Variants in TNFRSF10B observed in about 807,000 individuals in gnomAD.
TNFRSF10B encodes the protein tumor necrosis factor receptor superfamily member 10B.
In TNFRSF10B, 35 loss-of-function variants were observed where a neutral mutation model predicts 41.4. The observed-to-expected ratio is 0.85, with a 90% CI of 0.65 to 1.12. The LOEUF (loss-of-function observed/expected upper bound fraction) is 1.12. Among genes scored for constraint, TNFRSF10B ranks in the 50% most tolerant of loss-of-function variants. The pLI, the probability that TNFRSF10B is intolerant of heterozygous loss-of-function variation, is 0.00. For missense variants in TNFRSF10B, 584 were observed against 552.7 expected (o/e 1.06, Z -0.57); for synonymous variants, 230 against 215.5 (o/e 1.07, Z -0.59).
chr8:23,066,544 T>C (rs963951058), intron 1 of TNFRSF10B, among the ~76,000 whole-genome samples: 1 of 151,988 alleles, frequency 6.6e-6, no homozygotes, highest in Non-Finnish European at 1.5e-5. Flanking sequence ...CTAACGTAAA[T>C]ATAATAAGAT....
At chr8:23,050,844 C>T (rs370120585) in intron 1 of TNFRSF10B, among the ~76,000 whole-genome samples, 5 of 152,054 alleles carry the variant, frequency 3.3e-5, no homozygotes, top group East Asian at 3.9e-4. Flanking sequence ...AAGGCCGAGG[C>T]GGGCTGATCA....
intron 1 of TNFRSF10B, among the ~76,000 whole-genome samples, chr8:23,062,061 G>A (rs1026247468): frequency 3.6e-4 from 55 of 152,150 alleles, no homozygotes; most frequent in Non-Finnish European, 4.4e-4. Flanking sequence ...GTCAAGAAAG[G>A]TTCCCTTCTC....
rs568117404 is a variant in TNFRSF10B, at chr8:23,040,910, T to C, written c.250+2228A>G. ...TAAAAACGTGATTATTTAATAATAG[T>C]GTTGGGGCAACCAAAAAGGTGGCTG... is the stretch of plus-strand genomic sequence containing the variant. On this transcript the variant is annotated intron_variant, in intron 2 of 8. Transcript: ENST00000276431. 1.4e-4 allele frequency among the ~76,000 whole-genome samples: 21 copies of C among 152,294 alleles called. No homozygotes were observed. In the East Asian group the frequency reaches 3.3e-3, roughly 24 times the overall value.
chr8:23,059,702 C>T (rs543835403), intron 1 of TNFRSF10B, among the ~76,000 whole-genome samples: 397 of 151,936 alleles, frequency 2.6e-3, no homozygotes, highest in African/African-American at 7.3e-3. Context: ...TTAGTGGAGA[C>T]GGGGTCTCAC....
intron 2 of TNFRSF10B, among the ~76,000 whole-genome samples, 177 bp from the exon 3 acceptor site, chr8:23,031,049 A>G (rs1413408248): frequency 2.6e-5 from 4 of 152,186 alleles, no homozygotes; most frequent in Non-Finnish European, 4.4e-5. Flanking sequence ...AGCACTGCCA[A>G]AAGAAATATA....
At chr8:23,024,041 T>G in intron 8 of TNFRSF10B, 147 bp downstream of exon 8, 1 of 948,524 alleles carries the variant, frequency 1.1e-6, no homozygotes, top group Non-Finnish European at 1.7e-6. Context: ...GAGAAGACAG[T>G]TTAGGGTCCA....
At chr8:23,039,344 G>A (rs1317704289) in intron 2 of TNFRSF10B, among the ~76,000 whole-genome samples, 1 of 152,010 alleles carries the variant, frequency 6.6e-6, no homozygotes, top group Non-Finnish European at 1.5e-5. Context: ...TTAAGGAATT[G>A]GTTCACATAA....
At chr8:23,033,356 G>A (rs565089234) in intron 2 of TNFRSF10B, among the ~76,000 whole-genome samples, 50 of 152,006 alleles carry the variant, frequency 3.3e-4, no homozygotes, top group Non-Finnish European at 5.9e-4. Context: ...AGGCCGAGGC[G>A]GGCGGATCAC....
intron 2 of TNFRSF10B, among the ~76,000 whole-genome samples, chr8:23,040,876 T>C (rs1019038829): frequency 2.0e-5 from 3 of 152,164 alleles, no homozygotes; most frequent in African/African-American, 4.8e-5. Context: ...TAGTGATTCA[T>C]GTCACTGATA....
chr8:23,035,391 C>G (rs1391216603), intron 2 of TNFRSF10B, among the ~76,000 whole-genome samples: 4 of 152,188 alleles, frequency 2.6e-5, no homozygotes, highest in African/African-American at 7.2e-5. Flanking sequence ...ACCCAGCCAC[C>G]TTGGCCTCTC....
At chr8:23,038,329 G>A (rs930114225) in intron 2 of TNFRSF10B, among the ~76,000 whole-genome samples, 2 of 152,202 alleles carry the variant, frequency 1.3e-5, no homozygotes, top group African/African-American at 4.8e-5. Flanking sequence ...GCCATGACCA[G>A]CTGAGGTGCT....
intron 2 of TNFRSF10B, among the ~76,000 whole-genome samples, chr8:23,037,529 C>T (rs779069012): frequency 9.2e-5 from 14 of 152,220 alleles, no homozygotes; most frequent in Non-Finnish European, 1.9e-4. Flanking sequence ...CCTCTGTGGA[C>T]TCACAGAATG....
intron 1 of TNFRSF10B, among the ~76,000 whole-genome samples, chr8:23,050,688 G>A (rs1240912535): frequency 6.6e-6 from 1 of 152,210 alleles, no homozygotes; most frequent in East Asian, 1.9e-4. Flanking sequence ...AATTGTTTAA[G>A]TGCACTGTAA....
chr8:23,022,895 C>T lies in TNFRSF10B; in HGVS notation c.1099G>A (p.Glu367Lys), dbSNP rs772288130. 8.1e-6 allele frequency: 13 copies of T among 1,614,102 alleles called. No individual in the cohort carries two copies. In the Admixed American group the frequency reaches 1.2e-4, roughly 14 times the overall value. The part of the protein sequence containing the change: ...LMRKLGLMDN[E>K]IKVAKAEAAG... ...GCCTCAGCTTTAGCCACCTTTATCT[C>T]ATTGTCCATGAGGCCCAACTTCCTC... is the stretch of plus-strand genomic sequence containing the variant. The change falls in exon 9 of 9, where the codon GAG becomes AAG. Residue 367 changes from glutamate (E) to lysine (K), a missense_variant. Physicochemically the swap from Glu to Lys is moderately conservative, Grantham distance 56. Coordinates refer to ENST00000276431, the MANE Select transcript of TNFRSF10B (RefSeq NM_003842.5).
intron 3 of TNFRSF10B, 101 bp from the exon 4 acceptor site, chr8:23,029,822 G>T: frequency 1.6e-6 from 2 of 1,214,950 alleles, no homozygotes; most frequent in Non-Finnish European, 1.2e-6. Context: ...AACTCAGTTT[G>T]CCAAGGAGTT....
chr8:23,026,808 G>C (rs569666254), intron 7 of TNFRSF10B, among the ~76,000 whole-genome samples: 1 of 152,180 alleles, frequency 6.6e-6, no homozygotes, highest in South Asian at 2.1e-4. Flanking sequence ...ACAAGCAAGG[G>C]CTCACTGACT....
chr8:23,027,202 C>T lies in TNFRSF10B; in HGVS notation c.867G>A (p.Met289Ile), dbSNP rs762422261. The change falls in exon 7 of 9, where the codon ATG (methionine) becomes ATA (isoleucine). Residue 289 changes from methionine to isoleucine, a missense_variant. Physicochemically the swap from Met to Ile is conservative, Grantham distance 10. Coordinates refer to ENST00000276431, the MANE Select transcript of TNFRSF10B (RefSeq NM_003842.5). Reference protein sequence around the residue: ...LQPTQVPEQEMEVQEPAEPTG... With the variant: ...LQPTQVPEQEIEVQEPAEPTG... ...TTGGCTCTGCTGGCTCCTGGACTTC[C>T]ATTTCCTGCTCAGGGACCTGGGTGG... The T allele has an allele frequency of 1.2e-6, 2 of 1,614,244 alleles. No individual in the cohort carries two copies. Among genetic ancestry groups the T allele is most frequent in the South Asian group, 1.1e-5 (1 of 91,088 alleles).
In TNFRSF10B at chr8:23,027,288, T is replaced by C. The variant is rs997126972; in HGVS notation, c.781A>G (p.Ser261Gly). The C allele has an allele frequency of 6.2e-7, 1 of 1,613,948 alleles. No individual in the cohort carries two copies. The highest frequency in any genetic ancestry group is 8.5e-7 in the Non-Finnish European group (1 of 1,179,990). ...GGGDPERVDR[S>G]SQRPGAEDNV... ...TCCTCAGCCCCAGGTCGTTGTGAGCTCTGGAAAAAGACATTGGGAAGGCAA... is the reference window on the plus strand; with the variant it reads ...TCCTCAGCCCCAGGTCGTTGTGAGCCCTGGAAAAAGACATTGGGAAGGCAA... Residue 261 changes from serine to glycine, a missense_variant and splice_region_variant, in exon 7 of 9, where the codon AGC becomes GGC. Coordinates refer to ENST00000276431, the MANE Select transcript of TNFRSF10B (RefSeq NM_003842.5).
At chr8:23,038,679 C>T (rs1174193606) in intron 2 of TNFRSF10B, among the ~76,000 whole-genome samples, 4 of 152,020 alleles carry the variant, frequency 2.6e-5, no homozygotes, top group Admixed American at 1.3e-4. Flanking sequence ...AGGGTTAGTG[C>T]GTTTTCAGTT....
Sources: gnomAD v4.1 joint callset for allele counts (sites outside exome capture counted in the v4.1 genomes callset) on GRCh38, gnomAD v4.1.1 for gene constraint, MANE v1.5 for transcripts, NCBI Gene and HGNC (gene_info 2026-07-23, HGNC 2026-07-21) for gene names.